The following FBXO38 variants were observed in gnomAD, a reference collection of about 807,000 sequenced individuals.
FBXO38 encodes F-box only protein 38.
Under a neutral mutation model 131.9 loss-of-function variants are expected in FBXO38, and 53 were observed. The observed-to-expected ratio is 0.40, with a 90% CI of 0.32 to 0.51. The LOEUF (loss-of-function observed/expected upper bound fraction) is 0.51, where lower values mean the gene tolerates loss of function less well. FBXO38 is among the 20% of genes least tolerant of loss of function. The probability of loss-of-function intolerance (pLI) is 0.53; values close to 1 mark genes in which losing one functional copy is unlikely to be tolerated. For missense variants in FBXO38, 1,076 were observed against 1,475.6 expected (o/e 0.73, Z 4.44); for synonymous variants, 452 against 505.6 (o/e 0.89, Z 1.42).
At chr5:148,405,226 C>G (rs1752379454) in intron 6 of FBXO38, among the ~76,000 whole-genome samples, 2 of 152,218 alleles carry the variant, frequency 1.3e-5, no homozygotes, top group African/African-American at 4.8e-5. Flanking sequence ...TCCCTGTTGC[C>G]CTAGAGCAAG....
At chr5:148,402,657 A>T in intron 5 of FBXO38, 144 bp downstream of exon 5, 1 of 704,386 alleles carries the variant, frequency 1.4e-6, no homozygotes. Context: ...TCTGTATAAA[A>T]ATTCCGATTT....
intron 18 of FBXO38, among the ~76,000 whole-genome samples, chr5:148,439,285 G>T (rs1754534209): frequency 6.6e-6 from 1 of 152,186 alleles, no homozygotes; most frequent in Non-Finnish European, 1.5e-5. Flanking sequence ...AGTCTCATTT[G>T]AATAGGGTAT....
chr5:148,441,271 G>T, intron 21 of FBXO38, 34 bp downstream of exon 21: 1 of 1,457,414 alleles, frequency 6.9e-7, no homozygotes, highest in Non-Finnish European at 9.6e-7. Context: ...CTATTCTCTA[G>T]TTTAAGTATA....
Position 148,427,791 on chromosome 5 carries a change from A to T in FBXO38, c.2497A>T (p.Arg833Trp). Reference sequence around the variant, plus strand: ...GTCTTCAGGCCCAGCACATGATGAGAGGACTAATGGGAGTGGCTCTGGGGC... The same window carrying T: ...GTCTTCAGGCCCAGCACATGATGAGTGGACTAATGGGAGTGGCTCTGGGGC... Reference protein sequence around the residue: ...GGSSGPAHDERTNGSGSGATG... With the variant: ...GGSSGPAHDEWTNGSGSGATG... Residue 833 changes from arginine (R) to tryptophan (W), a missense_variant, in exon 15 of 22, where the codon AGG (arginine) becomes TGG (tryptophan). By Grantham distance (101) the Arg-to-Trp change is moderately radical. Around this residue, in one of 8 missense-constraint regions of FBXO38, gnomAD observed 213 missense variants for 225.2 expected, o/e 0.95. Transcript: ENST00000340253. 6.2e-7 allele frequency: 1 copy of T among 1,610,490 alleles called. No homozygotes were observed. The highest frequency in any genetic ancestry group is 8.5e-7 in the Non-Finnish European group (1 of 1,178,178).
At chr5:148,414,031 G>A (rs1205808626) in intron 9 of FBXO38, 105 bp from the exon 10 acceptor site, 2 of 1,044,580 alleles carry the variant, frequency 1.9e-6, no homozygotes, top group East Asian at 5.0e-5. Context: ...GATACAGAAT[G>A]ATGGTAGAGA....
chr5:148,439,847 C>G (rs183266058), intron 19 of FBXO38, 55 bp downstream of exon 19: 1 of 1,547,786 alleles, frequency 6.5e-7, no homozygotes, highest in African/African-American at 1.4e-5. Flanking sequence ...ATAGCAGGGA[C>G]TCCCAGAAGC....
intron 12 of FBXO38, 30 bp downstream of exon 12, chr5:148,417,234 A>G: frequency 2.1e-6 from 3 of 1,426,498 alleles, no homozygotes; most frequent in Non-Finnish European, 3.0e-6. Flanking sequence ...AGCTCCAGAT[A>G]GAAATGATTT....
At chr5:148,387,179 C>T (rs1173562923) in intron 1 of FBXO38, among the ~76,000 whole-genome samples, 2 of 152,132 alleles carry the variant, frequency 1.3e-5, no homozygotes, top group Non-Finnish European at 2.9e-5. Flanking sequence ...TTCTCTCAAA[C>T]CCTGGTGCTG....
Position 148,442,238 on chromosome 5 carries a change from T to C in FBXO38, c.*91T>C. ...CTCCACAGGGACTTGAGGCATGCAG[T>C]TGGGAGGTCCTGGCTCGGTTTGCTA... On this transcript the variant is annotated 3_prime_UTR_variant, in exon 22 of 22. Transcript: ENST00000340253. 2.4e-6 allele frequency: 3 copies of C among 1,241,500 alleles called. No homozygotes were observed. Among genetic ancestry groups the C allele is most frequent in the Non-Finnish European group, 3.4e-6 (3 of 872,090 alleles). The allele number at this position is 1,241,500 out of a possible 1,614,324, so 76.9% of individuals were successfully genotyped here.
intron 8 of FBXO38, 48 bp from the exon 9 acceptor site, chr5:148,410,587 C>G (rs1488457171): frequency 6.2e-7 from 1 of 1,603,442 alleles, no homozygotes; most frequent in African/African-American, 1.3e-5. Context: ...ATCTTTGATT[C>G]TGATGGTTTT....
chr5:148,433,152 A>G, intron 15 of FBXO38: 1 of 293,084 alleles, frequency 3.4e-6, no homozygotes, highest in Non-Finnish European at 6.5e-6. Context: ...GATGAGTCAG[A>G]GAGCCTAGAA....
intron 17 of FBXO38, among the ~76,000 whole-genome samples, chr5:148,438,009 A>G (rs573883355): frequency 6.6e-6 from 1 of 152,324 alleles, no homozygotes; most frequent in Admixed American, 6.5e-5. Context: ...AGGTCTGACT[A>G]TTGACTATAA....
intron 5 of FBXO38, among the ~76,000 whole-genome samples, 161 bp from the exon 6 acceptor site, chr5:148,404,524 T>A (rs570846676): frequency 3.2e-4 from 49 of 152,360 alleles, no homozygotes; most frequent in African/African-American, 1.0e-3. Context: ...AAGCCTGTTT[T>A]AAATAAGGCA....
At chr5:148,401,291 G>A (rs1454424806) in intron 3 of FBXO38, among the ~76,000 whole-genome samples, 3 of 152,136 alleles carry the variant, frequency 2.0e-5, no homozygotes, top group African/African-American at 7.2e-5. Context: ...GCCTCTCTCT[G>A]TTCCCATCTT....
rs557327700 is a variant in FBXO38, at chr5:148,435,687, A to G, written c.2857+1950A>G. 3.1e-3 allele frequency among the ~76,000 whole-genome samples: 465 copies of G among 152,210 alleles called. 4 individuals are homozygous for G. The highest frequency in any genetic ancestry group is 9.5e-3 in the African/African-American group (393 of 41,536). On this transcript the variant is annotated intron_variant, in intron 17 of 21. Coordinates refer to ENST00000340253, the MANE Select transcript of FBXO38 (RefSeq NM_205836.3). ...AGGGAGGCTGAGGCAGGAGAATGGC[A>G]TGAACCCGGTAGGCGGGGCTTGCAG...
At chr5:148,425,772 G>A in intron 14 of FBXO38, 71 bp downstream of exon 14, 1 of 1,311,274 alleles carries the variant, frequency 7.6e-7, no homozygotes, top group African/African-American at 1.5e-5. Context: ...GCCTTAATAT[G>A]ACAACTTGGG....
At chr5:148,418,265 T>C (rs1753180933) in intron 12 of FBXO38, among the ~76,000 whole-genome samples, 1 of 152,186 alleles carries the variant, frequency 6.6e-6, no homozygotes, top group African/African-American at 2.4e-5. Flanking sequence ...ATTTTGCTGG[T>C]TTTTCTCCTA....
rs896205714 is a variant in FBXO38 at position 148,406,338 on chromosome 5, G to A, written c.812G>A (p.Arg271Gln). ...AACTTGGAACACTTAGAAATGGTTC[G>A]AGTTCCTTTCCTTGGAGGTCTTATC... ...ARNLEHLEMV[R>Q]VPFLGGLIQH... Residue 271 changes from arginine to glutamine, a missense_variant, in exon 7 of 22, where the codon CGA becomes CAA. Coordinates refer to ENST00000340253, the MANE Select transcript of FBXO38 (RefSeq NM_205836.3). 12 of 1,608,494 alleles carry A rather than the reference G, an allele frequency of 7.5e-6. No homozygotes were observed. Among genetic ancestry groups the A allele is most frequent in the African/African-American group, 1.3e-5 (1 of 74,662 alleles).
At chr5:148,439,184 G>A (rs1754526922) in intron 18 of FBXO38, among the ~76,000 whole-genome samples, 2 of 152,180 alleles carry the variant, frequency 1.3e-5, no homozygotes, top group Admixed American at 1.3e-4. Flanking sequence ...CATAACTAGA[G>A]ATGGGGGAGG....
Sources: allele counts gnomAD v4.1 joint callset (sites outside exome capture counted in the v4.1 genomes callset), GRCh38; gene constraint gnomAD v4.1.1; regional missense constraint gnomAD v4.1.1; transcripts MANE v1.5; gene names NCBI Gene and HGNC (gene_info 2026-07-23, HGNC 2026-07-21).